The following LRRTM4 variants were observed in gnomAD, a reference collection of about 807,000 sequenced individuals.
LRRTM4 encodes the protein leucine rich repeat transmembrane neuronal 4.
In LRRTM4, 25 loss-of-function variants were observed where a neutral mutation model predicts 47.6. That is an observed-to-expected ratio of 0.53 (90% CI 0.38 to 0.73). The LOEUF is 0.73. Among genes scored for constraint, LRRTM4 ranks in the 30% least tolerant of loss-of-function variants. The pLI is 0.00. For missense variants in LRRTM4, 638 were observed against 713.4 expected (o/e 0.89, Z 1.20); for synonymous variants, 311 against 269.5 (o/e 1.15, Z -1.51).
rs575019112 is a variant in LRRTM4 at position 76,971,836 on chromosome 2, T to C, written c.1552-222920A>G. ...CACCCTATATCAGGCCCACAAAATATACGGACAAAACATAGAACAACATCT... is the reference window on the plus strand; with the variant it reads ...CACCCTATATCAGGCCCACAAAATACACGGACAAAACATAGAACAACATCT... On this transcript the variant is annotated intron_variant, in intron 3 of 3. Coordinates refer to ENST00000409884, the MANE Select transcript of LRRTM4 (RefSeq NM_001134745.3). 4.6e-5 allele frequency among the ~76,000 whole-genome samples: 7 copies of C among 152,004 alleles called. No homozygotes were observed. In the South Asian group the frequency reaches 1.5e-3, roughly 32 times the overall value.
chr2:77,026,682 ATGAG>A (rs1410760466), intron 3 of LRRTM4, among the ~76,000 whole-genome samples: 14 of 151,938 alleles, frequency 9.2e-5, no homozygotes, highest in Admixed American at 4.6e-4. Context: ...AAAATTCTGA[ATGAG>A]TATTATTTGC....
intron 3 of LRRTM4, among the ~76,000 whole-genome samples, chr2:77,391,363 G>A (rs1360524864): frequency 6.6e-6 from 1 of 151,882 alleles, no homozygotes; most frequent in Non-Finnish European, 1.5e-5. Flanking sequence ...AGGACAAGGT[G>A]CTTTCTGTAC....
At chr2:77,498,469 A>G (rs760572043) in intron 3 of LRRTM4, among the ~76,000 whole-genome samples, 3 of 151,744 alleles carry the variant, frequency 2.0e-5, no homozygotes, top group Non-Finnish European at 4.4e-5. Flanking sequence ...CAGGGATCCC[A>G]TCGTTAAACT....
intron 3 of LRRTM4, among the ~76,000 whole-genome samples, chr2:77,391,644 A>T (rs1673507527): frequency 6.6e-6 from 1 of 151,992 alleles, no homozygotes; most frequent in Non-Finnish European, 1.5e-5. Flanking sequence ...TATAGCCAAG[A>T]TATGGAATCA....
At chr2:77,438,002 T>A (rs1675670498) in intron 3 of LRRTM4, among the ~76,000 whole-genome samples, 1 of 152,180 alleles carries the variant, frequency 6.6e-6, no homozygotes, top group Admixed American at 6.5e-5. Flanking sequence ...GGTATCACAA[T>A]TATTCTATAA....
At chr2:77,020,932 C>T (rs528193625) in intron 3 of LRRTM4, among the ~76,000 whole-genome samples, 12 of 152,170 alleles carry the variant, frequency 7.9e-5, no homozygotes, top group Admixed American at 3.3e-4. Flanking sequence ...TGATTGACTT[C>T]GAAGTTTCGA....
At position 77,020,141 on chromosome 2, in the gene LRRTM4, GAAGA is replaced by G. The variant is rs932829136; in HGVS notation, c.1552-271229_1552-271226del. On this transcript the variant is annotated intron_variant, in intron 3 of 3. Transcript: ENST00000409884. The stretch of plus-strand genomic sequence containing the variant: ...TAACAAGGTACAGGAAGAGAAAGAT[GAAGA>G]AAGGTAGAAATTTTCAGTTTATAAG... Among the ~76,000 whole-genome samples the G allele has an allele frequency of 1.1e-4, 17 of 151,798 alleles. No homozygotes were observed. The South Asian group carries it at 1.2e-3, about 11-fold the overall frequency.
At chr2:77,264,318 G>GAGAGAGAC (rs2104049517) in intron 3 of LRRTM4, among the ~76,000 whole-genome samples, 1 of 152,188 alleles carries the variant, frequency 6.6e-6, no homozygotes, top group South Asian at 2.1e-4. Flanking sequence ...GAGAGGGAGA[G>GAGAGAGAC]AGAGAGACAG....
chr2:76,991,994 TA>T (rs1677025583), intron 3 of LRRTM4, among the ~76,000 whole-genome samples: 1 of 151,866 alleles, frequency 6.6e-6, no homozygotes, highest in African/African-American at 2.4e-5. Flanking sequence ...CACAAGTCAT[TA>T]AATGTGGTTC....
At chr2:76,917,483 C>T (rs1477695330) in intron 3 of LRRTM4, among the ~76,000 whole-genome samples, 1 of 152,160 alleles carries the variant, frequency 6.6e-6, no homozygotes, top group Non-Finnish European at 1.5e-5. Flanking sequence ...ACTGTTGAAA[C>T]TTCCTCCAGG....
At chr2:77,122,099 A>G (rs1249451402) in intron 3 of LRRTM4, among the ~76,000 whole-genome samples, 7 of 151,854 alleles carry the variant, frequency 4.6e-5, no homozygotes, top group Non-Finnish European at 1.5e-5. Flanking sequence ...ATTAAATATT[A>G]GAAAACTTCT....
intron 3 of LRRTM4, among the ~76,000 whole-genome samples, chr2:77,035,535 AAT>A (rs145227919): frequency 6.7e-4 from 102 of 152,062 alleles, no homozygotes; most frequent in South Asian, 8.3e-4. Flanking sequence ...TTTAAATTAA[AAT>A]AGTGTTTTGC....
chr2:77,389,787 C>T (rs1194093099), intron 3 of LRRTM4, among the ~76,000 whole-genome samples: 1 of 152,068 alleles, frequency 6.6e-6, no homozygotes, highest in Non-Finnish European at 1.5e-5. Flanking sequence ...CCCTTTCTCC[C>T]TTCGTCCTCT....
chr2:76,921,448 C>T (rs1674430164), intron 3 of LRRTM4, among the ~76,000 whole-genome samples: 1 of 151,930 alleles, frequency 6.6e-6, no homozygotes, highest in African/African-American at 2.4e-5. Flanking sequence ...AGTTACCTTT[C>T]CCCCTTTTTT....
At chr2:77,136,877 T>A (rs1671961210) in intron 3 of LRRTM4, among the ~76,000 whole-genome samples, 1 of 151,718 alleles carries the variant, frequency 6.6e-6, no homozygotes, top group South Asian at 2.1e-4. Flanking sequence ...AGGGTATGAG[T>A]GATTGAAGAT....
At chr2:76,779,988 C>T (rs1001774860) in intron 3 of LRRTM4, among the ~76,000 whole-genome samples, 5 of 152,100 alleles carry the variant, frequency 3.3e-5, no homozygotes, top group East Asian at 3.9e-4. Context: ...ATTTGCTTGT[C>T]TGTAAAGTAT....
At chr2:77,108,036 C>T (rs57953495) in intron 3 of LRRTM4, among the ~76,000 whole-genome samples, 37 of 151,436 alleles carry the variant, frequency 2.4e-4, no homozygotes, top group African/African-American at 9.0e-4. Context: ...ATTAAAAAAA[C>T]TGAATTTATT....
chr2:77,154,265 C>G (rs1672501183), intron 3 of LRRTM4, among the ~76,000 whole-genome samples: 2 of 152,140 alleles, frequency 1.3e-5, no homozygotes, highest in Non-Finnish European at 2.9e-5. Context: ...TAGAGGCAAA[C>G]TATTCAGAGT....
chr2:76,841,068 A>T (rs890047830), intron 3 of LRRTM4, among the ~76,000 whole-genome samples: 2 of 144,266 alleles, frequency 1.4e-5, no homozygotes, highest in African/African-American at 5.5e-5. Flanking sequence ...AATGTGGCAC[A>T]TAGACACCAT....
Sources: gnomAD v4.1 joint callset for allele counts (sites outside exome capture counted in the v4.1 genomes callset) on GRCh38, gnomAD v4.1.1 for gene constraint, MANE v1.5 for transcripts, NCBI Gene and HGNC (gene_info 2026-07-23, HGNC 2026-07-21) for gene names.